Variants in ZNF385D observed in about 807,000 individuals in gnomAD.
ZNF385D encodes the protein zinc finger protein 659.
ZNF385D carries 15 observed loss-of-function variants against 35.8 expected under a neutral mutation model. The ratio of observed to expected loss-of-function variants is 0.42; its 90% CI spans 0.28 to 0.64. ZNF385D has a LOEUF of 0.64. Among genes scored for constraint, ZNF385D ranks in the 30% least tolerant of loss-of-function variants. The probability of loss-of-function intolerance (pLI) is 0.23; values close to 1 mark genes in which losing one functional copy is unlikely to be tolerated. For synonymous variants in ZNF385D, 212 were observed against 186.8 expected (o/e 1.13, Z -1.10); for missense variants, 474 against 494.6 (o/e 0.96, Z 0.39).
chr3:22,336,715 T>TA (rs759466046), intron 2 of ZNF385D, among the ~76,000 whole-genome samples: 47 of 151,834 alleles, frequency 3.1e-4, no homozygotes, highest in Middle Eastern at 3.4e-3. Context: ...TATTTTATTA[T>TA]AGCACTTCTA....
At chr3:22,325,446 C>G (rs545654768) in intron 2 of ZNF385D, among the ~76,000 whole-genome samples, 1 of 152,208 alleles carries the variant, frequency 6.6e-6, no homozygotes, top group African/African-American at 2.4e-5. Flanking sequence ...ACATTCTTAC[C>G]TATCAATGTA....
chr3:22,115,068 C>T (rs1162868168), intron 3 of ZNF385D, among the ~76,000 whole-genome samples: 1 of 152,064 alleles, frequency 6.6e-6, no homozygotes, highest in Admixed American at 6.6e-5. Context: ...GTGACACGAA[C>T]AAACTAAGAC....
At chr3:21,866,721 G>C (rs951436894) in intron 3 of ZNF385D, among the ~76,000 whole-genome samples, 1 of 152,148 alleles carries the variant, frequency 6.6e-6, no homozygotes, top group Admixed American at 6.6e-5. Context: ...ATAGTAGCTA[G>C]ATGTTATTTT....
At chr3:21,423,811 CT>C in intron 7 of ZNF385D, 151 bp downstream of exon 7, 3 of 660,136 alleles carry the variant, frequency 4.5e-6, no homozygotes, top group Non-Finnish European at 4.9e-6. Flanking sequence ...TGGTTTTTCT[CT>C]TTTCCCTATG....
intron 2 of ZNF385D, among the ~76,000 whole-genome samples, chr3:21,582,472 T>C (rs2063695211): frequency 1.3e-5 from 2 of 152,154 alleles, no homozygotes; most frequent in Admixed American, 1.3e-4. Flanking sequence ...ATTTTTTTTC[T>C]CTACTCTGCC....
At chr3:22,113,182 C>A (rs968099835) in intron 3 of ZNF385D, among the ~76,000 whole-genome samples, 2 of 151,998 alleles carry the variant, frequency 1.3e-5, no homozygotes, top group Non-Finnish European at 2.9e-5. Flanking sequence ...TGGGGGTGGG[C>A]TATGGGCCTT....
At chr3:21,795,361 G>A (rs1254032437) in intron 3 of ZNF385D, among the ~76,000 whole-genome samples, 2 of 152,208 alleles carry the variant, frequency 1.3e-5, no homozygotes, top group East Asian at 3.9e-4. Flanking sequence ...CCCAGTAACA[G>A]ATGGTTTTAT....
At chr3:22,076,833 G>C (rs1700489400) in intron 3 of ZNF385D, among the ~76,000 whole-genome samples, 1 of 151,880 alleles carries the variant, frequency 6.6e-6, no homozygotes, top group African/African-American at 2.4e-5. Flanking sequence ...ATTCTCCATA[G>C]ATCTGATTAG....
At chr3:22,085,889 G>T (rs1701010849) in intron 3 of ZNF385D, among the ~76,000 whole-genome samples, 1 of 152,124 alleles carries the variant, frequency 6.6e-6, no homozygotes, top group Non-Finnish European at 1.5e-5. Flanking sequence ...GAGTTGCAAG[G>T]ATGGTTTAAC....
intron 1 of ZNF385D, among the ~76,000 whole-genome samples, chr3:21,701,804 C>A (rs945219161): frequency 1.2e-4 from 18 of 152,146 alleles, no homozygotes; most frequent in African/African-American, 4.1e-4. Context: ...TGAAATCCAG[C>A]AGGGCAGTCA....
chr3:22,151,700 G>A (rs1466388578), intron 3 of ZNF385D, among the ~76,000 whole-genome samples: 2 of 152,040 alleles, frequency 1.3e-5, no homozygotes, highest in East Asian at 1.9e-4. Flanking sequence ...AAAGTCCAGC[G>A]ATGGAAATGT....
chr3:21,994,667 C>T (rs1329919666), intron 3 of ZNF385D, among the ~76,000 whole-genome samples: 2 of 152,156 alleles, frequency 1.3e-5, no homozygotes, highest in Non-Finnish European at 2.9e-5. Context: ...TCACTTCTCC[C>T]AATTTTCTGG....
chr3:21,648,671 A>G (rs549494981), intron 2 of ZNF385D, among the ~76,000 whole-genome samples: 3 of 152,294 alleles, frequency 2.0e-5, no homozygotes, highest in East Asian at 1.9e-4. Flanking sequence ...GAAATATCCC[A>G]TAATAGGAAT....
Position 21,443,182 on chromosome 3 carries a change from G to C in ZNF385D, c.440-5979C>G, listed in dbSNP as rs73145240. On this transcript the variant is annotated intron_variant, in intron 4 of 7. Coordinates refer to ENST00000281523, the MANE Select transcript of ZNF385D (RefSeq NM_024697.3). ...TCCACTTTGCAGGGTACCTGATTTG[G>C]GTAGGTCCAGTCACCAGCCAGAAGT... The C allele has an allele frequency of 7.1e-6, 7 of 985,278 alleles. No individual in the cohort carries two copies. In the East Asian group the frequency reaches 6.8e-4, roughly 96 times the overall value. The allele number at this position is 985,278 out of a possible 1,614,324, so 61.0% of individuals were successfully genotyped here.
At chr3:22,021,360 G>C (rs1028950173) in intron 3 of ZNF385D, among the ~76,000 whole-genome samples, 6 of 151,914 alleles carry the variant, frequency 3.9e-5, no homozygotes, top group African/African-American at 1.2e-4. Context: ...AGAAATGTTA[G>C]AAATCCACAA....
chr3:21,712,664 C>G (rs542061418), intron 1 of ZNF385D, among the ~76,000 whole-genome samples: 1 of 152,104 alleles, frequency 6.6e-6, no homozygotes, highest in Non-Finnish European at 1.5e-5. Flanking sequence ...AAATGAGAAT[C>G]GTTCCTATGA....
At chr3:21,575,320 C>G (rs141542331) in intron 2 of ZNF385D, among the ~76,000 whole-genome samples, 9 of 152,024 alleles carry the variant, frequency 5.9e-5, no homozygotes, top group African/African-American at 2.2e-4. Flanking sequence ...AAAAGTCTTA[C>G]GGTTACTTTG....
At chr3:21,647,504 C>T (rs888929809) in intron 2 of ZNF385D, among the ~76,000 whole-genome samples, 9 of 152,030 alleles carry the variant, frequency 5.9e-5, no homozygotes, top group East Asian at 3.9e-4. Flanking sequence ...GCAATTAACA[C>T]GACTAACCCA....
At chr3:21,672,101 G>T (rs951857896) in intron 1 of ZNF385D, among the ~76,000 whole-genome samples, 1 of 152,044 alleles carries the variant, frequency 6.6e-6, no homozygotes, top group African/African-American at 2.4e-5. Context: ...CAGGAAAATT[G>T]TATGTTTACC....
Sources: gnomAD v4.1 joint callset for allele counts (sites outside exome capture counted in the v4.1 genomes callset) on GRCh38, gnomAD v4.1.1 for gene constraint, MANE v1.5 for transcripts, NCBI Gene and HGNC (gene_info 2026-07-23, HGNC 2026-07-21) for gene names.